The following UST variants were observed in gnomAD, a reference collection of about 807,000 sequenced individuals.
UST encodes the protein uronyl 2-sulfotransferase.
In UST, 21 loss-of-function variants were observed where a neutral mutation model predicts 45.6. That is an observed-to-expected ratio of 0.46 (90% CI 0.33 to 0.66). UST has a LOEUF of 0.66. Ranked by LOEUF, UST falls within the 30% of genes least tolerant of loss-of-function variation. UST has a pLI of 0.02. For synonymous variants in UST, 215 were observed against 200.6 expected (o/e 1.07, Z -0.61); for missense variants, 463 against 512.4 (o/e 0.90, Z 0.93).
chr6:148,955,754 T>C (rs1239055932), intron 4 of UST: 1 of 152,280 alleles, frequency 6.6e-6, no homozygotes, highest in African/African-American at 2.4e-5. Flanking sequence ...GAGTCACCCC[T>C]GACATCCTTA....
intron 1 of UST, among the ~76,000 whole-genome samples, chr6:148,775,390 A>C (rs1178221907): frequency 1.3e-5 from 2 of 152,130 alleles, no homozygotes. Context: ...TACCAATGGC[A>C]GTTTCCTTTT....
intron 2 of UST, among the ~76,000 whole-genome samples, chr6:148,931,682 C>A (rs924359018): frequency 3.3e-5 from 5 of 152,172 alleles, no homozygotes; most frequent in Non-Finnish European, 5.9e-5. Flanking sequence ...GTGACTGCAA[C>A]AATATTACTC....
At chr6:148,902,158 T>G (rs1457355309) in intron 2 of UST, among the ~76,000 whole-genome samples, 1 of 152,238 alleles carries the variant, frequency 6.6e-6, no homozygotes, top group African/African-American at 2.4e-5. Flanking sequence ...ATAAGTTTCA[T>G]GTACCATTCC....
chr6:149,024,626 C>T (rs371517920), intron 7 of UST, among the ~76,000 whole-genome samples: 8 of 152,162 alleles, frequency 5.3e-5, no homozygotes, highest in Non-Finnish European at 1.0e-4. Flanking sequence ...TTCTCATCAC[C>T]ACAACTGAGT....
At chr6:148,999,813 C>G (rs942502949) in intron 5 of UST, among the ~76,000 whole-genome samples, 3 of 152,184 alleles carry the variant, frequency 2.0e-5, no homozygotes, top group African/African-American at 4.8e-5. Context: ...GATAGACCTT[C>G]CTGTAGCAAA....
chr6:148,907,806 T>C (rs1413563857), intron 2 of UST, among the ~76,000 whole-genome samples: 1 of 152,142 alleles, frequency 6.6e-6, no homozygotes, highest in Non-Finnish European at 1.5e-5. Context: ...GTGTGGCTAA[T>C]TGGGGAACTG....
intron 1 of UST, among the ~76,000 whole-genome samples, chr6:148,865,085 A>G (rs576501202): frequency 6.0e-4 from 92 of 152,332 alleles, no homozygotes; most frequent in African/African-American, 2.1e-3. Flanking sequence ...TTAAAAGTTC[A>G]TTTGGTCTGT....
At chr6:149,058,449 A>T (rs1776603927) in intron 7 of UST, among the ~76,000 whole-genome samples, 1 of 151,950 alleles carries the variant, frequency 6.6e-6, no homozygotes, top group South Asian at 2.1e-4. Flanking sequence ...CTAGGCCTGC[A>T]AATGCCACAC....
At chr6:149,069,008 C>T (rs1463710965) in intron 7 of UST, among the ~76,000 whole-genome samples, 2 of 152,180 alleles carry the variant, frequency 1.3e-5, no homozygotes, top group Admixed American at 6.5e-5. Context: ...TCTTTCTGTG[C>T]CTAGATTATT....
At chr6:148,850,820 G>A (rs936195086) in intron 1 of UST, among the ~76,000 whole-genome samples, 3 of 152,276 alleles carry the variant, frequency 2.0e-5, no homozygotes, top group African/African-American at 2.4e-5. Context: ...TATGATTCCC[G>A]TTGTCCCACT....
chr6:148,748,867 C>T lies in UST; in HGVS notation c.247+1190C>T, dbSNP rs550689291. Among the ~76,000 whole-genome samples the T allele has an allele frequency of 1.6e-4, 24 of 151,300 alleles. No homozygotes were observed. In the East Asian group the frequency reaches 4.7e-3, roughly 30 times the overall value. On this transcript the variant is annotated intron_variant, in intron 1 of 7. Transcript: ENST00000367463. This position sits in a 1 kb window ranked among gnomAD's most constrained non-coding sequence, Gnocchi z 5.3. Reference sequence around the variant, plus strand: ...GCCACAGTTACCCCAAACGTCACTTCGTGGCAGAAGCCACAGGTCTAGATA... The same window carrying T: ...GCCACAGTTACCCCAAACGTCACTTTGTGGCAGAAGCCACAGGTCTAGATA...
chr6:148,941,253 G>A (rs1341043885), intron 2 of UST, 26 bp from the exon 3 acceptor site: 2 of 1,612,588 alleles, frequency 1.2e-6, no homozygotes, highest in East Asian at 2.2e-5. Context: ...GACGTTTCAT[G>A]TTTGTTCTCT....
intron 1 of UST, among the ~76,000 whole-genome samples, chr6:148,811,579 T>A (rs1256306151): frequency 1.3e-5 from 2 of 152,222 alleles, no homozygotes; most frequent in African/African-American, 4.8e-5. Context: ...GTTCACAGCT[T>A]TGTGGTTTAG....
rs937448090 is a variant in UST at position 148,922,736 on chromosome 6, T to C, written c.292-18543T>C. On this transcript the variant is annotated intron_variant, in intron 2 of 7. Transcript: ENST00000367463. ...GATCCGCCCGCCTCGGCCTCCCAAA[T>C]TGCTGGGATTACAGGCATGAGCCAC... Among the ~76,000 whole-genome samples, 4 of 151,512 alleles carry C rather than the reference T, an allele frequency of 2.6e-5. No homozygotes were observed. In the South Asian group the frequency reaches 6.2e-4, roughly 24 times the overall value.
intron 5 of UST, among the ~76,000 whole-genome samples, chr6:148,995,476 C>A (rs1582949849): frequency 6.6e-6 from 1 of 152,230 alleles, no homozygotes; most frequent in Non-Finnish European, 1.5e-5. Context: ...TCACAGATAT[C>A]TTCTGTGTTC....
intron 1 of UST, among the ~76,000 whole-genome samples, chr6:148,876,047 A>C (rs1778645048): frequency 6.6e-6 from 1 of 152,208 alleles, no homozygotes; most frequent in South Asian, 2.1e-4. Context: ...TTATAAAGAA[A>C]GGAGGTTTAA....
At chr6:148,930,345 C>T (rs1779897934) in intron 2 of UST, among the ~76,000 whole-genome samples, 1 of 152,214 alleles carries the variant, frequency 6.6e-6, no homozygotes, top group Non-Finnish European at 1.5e-5. Context: ...TTGAGCTGAA[C>T]ACTGAAGATA....
intron 7 of UST, among the ~76,000 whole-genome samples, chr6:149,052,971 G>C (rs1776510536): frequency 6.6e-6 from 1 of 152,030 alleles, no homozygotes; most frequent in South Asian, 2.1e-4. Context: ...ACAATCCAAG[G>C]AATACTCCTT....
chr6:148,907,389 T>C (rs1489376997), intron 2 of UST, among the ~76,000 whole-genome samples: 1 of 152,178 alleles, frequency 6.6e-6, no homozygotes, highest in African/African-American at 2.4e-5. Context: ...TAAATGTTAC[T>C]CCAGATCTCA....
Sources: gnomAD v4.1 joint callset for allele counts (sites outside exome capture counted in the v4.1 genomes callset) on GRCh38, gnomAD v4.1.1 for gene constraint, Gnocchi (gnomAD v3.1) non-coding constraint, MANE v1.5 for transcripts, NCBI Gene and HGNC (gene_info 2026-07-23, HGNC 2026-07-21) for gene names.